MYO9A: variants seen among roughly 807,000 people sequenced by gnomAD.
MYO9A encodes the protein unconventional myosin-IXa.
MYO9A carries 103 observed loss-of-function variants against 293.3 expected under a neutral mutation model. That is an observed-to-expected ratio of 0.35 (90% CI 0.30 to 0.41). MYO9A has a LOEUF of 0.41. Among genes scored for constraint, MYO9A ranks in the 10% least tolerant of loss-of-function variants. The pLI is 1.00. For synonymous variants in MYO9A, 1,001 were observed against 1,035.7 expected (o/e 0.97, Z 0.64); for missense variants, 2,685 against 3,033.0 (o/e 0.89, Z 2.69).
Position 72,007,823 on chromosome 15 carries a change from C to G in MYO9A, c.1380+3G>C, listed in dbSNP as rs1566944135. The stretch of plus-strand genomic sequence containing the variant: ...AATGACAACTGAAAATGTAATCACT[C>G]ACCTCTAATAATTCTGAGACAATAG... On this transcript the variant is annotated splice_donor_region_variant and intron_variant, in intron 8 of 41. Coordinates refer to ENST00000356056, the MANE Select transcript of MYO9A (RefSeq NM_006901.4). 6.2e-7 allele frequency: 1 copy of G among 1,601,350 alleles called. No individual in the cohort carries two copies. The highest frequency in any genetic ancestry group is 2.2e-5 in the East Asian group (1 of 44,610).
chr15:71,929,961 G>C (rs2058429724), intron 18 of MYO9A, among the ~76,000 whole-genome samples: 3 of 152,160 alleles, frequency 2.0e-5, no homozygotes, highest in African/African-American at 7.2e-5. Context: ...AAATGAGTTT[G>C]AGGTATTCTC....
At chr15:71,942,472 C>T (rs1391858330) in intron 15 of MYO9A, among the ~76,000 whole-genome samples, 1 of 151,984 alleles carries the variant, frequency 6.6e-6, no homozygotes, top group Non-Finnish European at 1.5e-5. Flanking sequence ...TCCATTTTAA[C>T]TTACTGCTAT....
intron 9 of MYO9A, 70 bp from the exon 10 acceptor site, chr15:71,994,655 G>T: frequency 2.5e-6 from 2 of 814,306 alleles, no homozygotes; most frequent in Non-Finnish European, 3.7e-6. Context: ...AAAGTTGTTT[G>T]CTCCCATTCA....
In MYO9A at chr15:72,010,307, G is replaced by A. The variant is rs779542602; in HGVS notation, c.1253+43C>T. ...CAGAAATCTTTCAAAGACATATCAT[G>A]TGTTCTCTATTAGAGATATAAAAAT... On this transcript the variant is annotated intron_variant, in intron 7 of 41. Coordinates refer to ENST00000356056, the MANE Select transcript of MYO9A (RefSeq NM_006901.4). 5 of 1,509,418 alleles carry A rather than the reference G, an allele frequency of 3.3e-6. No homozygotes were observed. The South Asian group carries it at 3.5e-5, about 10-fold the overall frequency. The allele number at this position is 1,509,418 out of a possible 1,614,324, so 93.5% of individuals were successfully genotyped here.
chr15:72,114,687 G>A (rs1455139685), intron 1 of MYO9A: 1 of 152,220 alleles, frequency 6.6e-6, no homozygotes, highest in Non-Finnish European at 1.5e-5. Context: ...GTGAATCAAA[G>A]TGGTGATATC....
At chr15:71,974,357 A>C (rs536285804) in intron 12 of MYO9A, among the ~76,000 whole-genome samples, 1 of 152,318 alleles carries the variant, frequency 6.6e-6, no homozygotes. Context: ...CACATTCAAC[A>C]TGAGTGGGAC....
intron 2 of MYO9A, among the ~76,000 whole-genome samples, chr15:72,038,405 C>T (rs1264108348): frequency 6.6e-6 from 1 of 152,096 alleles, no homozygotes; most frequent in East Asian, 1.9e-4. Context: ...TTCTGGGCCA[C>T]AAGTCTCAAT....
chr15:72,103,456 A>AAGCAGAAGCAGCAGC (rs2080453437), intron 1 of MYO9A, among the ~76,000 whole-genome samples: 2 of 146,198 alleles, frequency 1.4e-5, no homozygotes, highest in African/African-American at 5.5e-5. Context: ...GCAGCAGCAG[A>AAGCAGAAGCAGCAGC]AGAAGAAGCA....
At chr15:71,842,270 G>A (rs192155676) in intron 39 of MYO9A, among the ~76,000 whole-genome samples, 4 of 150,514 alleles carry the variant, frequency 2.7e-5, no homozygotes, top group East Asian at 1.9e-4. Flanking sequence ...CCAGCTACTC[G>A]GGAGGCTGAG....
Position 71,826,885 on chromosome 15 carries a change from T to C in MYO9A, c.7342A>G (p.Arg2448Gly), listed in dbSNP as rs373343180. 6 of 1,614,158 alleles carry C rather than the reference T, an allele frequency of 3.7e-6. No homozygotes were observed. The highest frequency in any genetic ancestry group is 5.1e-6 in the Non-Finnish European group (6 of 1,179,998). ...LSNTASSHGT[R>G]KLFQIYSKSP... ...TTGGAATAAATCTGAAATAGTTTTC[T>C]GGTCCCATGAGATGATGCCGTGTTA... The change falls in exon 42 of 42, where the codon AGA becomes GGA. Residue 2448 changes from arginine (R) to glycine (G), a missense_variant. Physicochemically the swap from Arg to Gly is moderately radical, Grantham distance 125. Around this residue, in one of 10 missense-constraint regions of MYO9A, gnomAD observed 350 missense variants for 328.9 expected, o/e 1.06. Transcript: ENST00000356056.
chr15:71,904,100 T>A, intron 20 of MYO9A, 61 bp from the exon 21 acceptor site: 1 of 1,293,270 alleles, frequency 7.7e-7, no homozygotes, highest in South Asian at 1.3e-5. Context: ...ATTATCTGTT[T>A]ATAAGCATGA....
intron 15 of MYO9A, among the ~76,000 whole-genome samples, chr15:71,945,106 C>A (rs1386563869): frequency 2.0e-5 from 3 of 152,170 alleles, no homozygotes; most frequent in Non-Finnish European, 4.4e-5. Flanking sequence ...AACAAGTTAT[C>A]ATCTCATATA....
At chr15:71,852,487 C>T (rs544167953) in intron 35 of MYO9A, 149 of 292,516 alleles carry the variant, frequency 5.1e-4, no homozygotes, top group African/African-American at 2.9e-3. Context: ...CCTCAGCCTC[C>T]GGAGTAGCTG....
At chr15:72,026,068 T>G in intron 4 of MYO9A, among the ~76,000 whole-genome samples, 1 of 151,482 alleles carries the variant, frequency 6.6e-6, no homozygotes. Context: ...GGTCAGGAGA[T>G]CGAGACCATC....
At chr15:71,926,794 G>A (rs1311174882) in intron 18 of MYO9A, among the ~76,000 whole-genome samples, 1 of 152,202 alleles carries the variant, frequency 6.6e-6, no homozygotes, top group Non-Finnish European at 1.5e-5. Context: ...ACCAGGAGCA[G>A]AGCTACCAGA....
intron 1 of MYO9A, among the ~76,000 whole-genome samples, chr15:72,071,040 C>A (rs1051881868): frequency 2.6e-5 from 4 of 151,996 alleles, no homozygotes; most frequent in Non-Finnish European, 5.9e-5. Context: ...GCAATAAAAC[C>A]AAAAACTGAC....
intron 32 of MYO9A, among the ~76,000 whole-genome samples, chr15:71,869,852 A>G (rs2056452635): frequency 6.6e-6 from 1 of 152,202 alleles, no homozygotes; most frequent in Admixed American, 6.5e-5. Context: ...TCAATTAAAC[A>G]TTTATAGATG....
intron 39 of MYO9A, among the ~76,000 whole-genome samples, chr15:71,840,235 C>CTTCTA (rs2055096456): frequency 1.3e-5 from 2 of 152,194 alleles, no homozygotes; most frequent in Admixed American, 1.3e-4. Flanking sequence ...AATTCCTGTA[C>CTTCTA]AGGCATAAAA....
chr15:71,939,233 G>C (rs1298273102), intron 15 of MYO9A, among the ~76,000 whole-genome samples: 5 of 152,052 alleles, frequency 3.3e-5, no homozygotes, highest in African/African-American at 7.2e-5. Context: ...TAGGTTCAGG[G>C]GGTACACATG....
Sources: allele counts gnomAD v4.1 joint callset (sites outside exome capture counted in the v4.1 genomes callset), GRCh38; gene constraint gnomAD v4.1.1; regional missense constraint gnomAD v4.1.1; transcripts MANE v1.5; gene names NCBI Gene and HGNC (gene_info 2026-07-23, HGNC 2026-07-21).